The following MINK1 variants were observed in gnomAD, a reference collection of about 807,000 sequenced individuals.
MINK1 encodes the protein misshapen like kinase 1.
In MINK1, 46 loss-of-function variants were observed where a neutral mutation model predicts 178.4. That is an observed-to-expected ratio of 0.26 (90% CI 0.20 to 0.33). MINK1 has a LOEUF of 0.33. Ranked by LOEUF, MINK1 falls within the 10% of genes least tolerant of loss-of-function variation. MINK1 has a pLI of 1.00. For missense variants in MINK1, 1,366 were observed against 1,814.9 expected (o/e 0.75, Z 4.49); for synonymous variants, 797 against 709.7 (o/e 1.12, Z -1.96).
At position 4,833,791 on chromosome 17, in the gene MINK1, G is replaced by A; in HGVS notation, c.57+151G>A. The A allele has an allele frequency of 1.7e-6, 1 of 584,532 alleles. No individual in the cohort carries two copies. Among genetic ancestry groups the A allele is most frequent in the Non-Finnish European group, 2.8e-6 (1 of 355,286 alleles). 36.2% of individuals were successfully genotyped at this position (584,532 alleles called of 1,614,324 possible). ...CGTGCCCCTTTCCCGGACTCCCGCC[G>A]CGGCTGGGCCCCCGCCCTCTGCTCC... is the stretch of plus-strand genomic sequence containing the variant. On this transcript the variant is annotated intron_variant, in intron 1 of 31. Coordinates refer to ENST00000355280, the MANE Select transcript of MINK1 (RefSeq NM_153827.5). The surrounding 1 kb of genome is among the most constrained non-coding windows in gnomAD (Gnocchi z 4.8).
intron 1 of MINK1, among the ~76,000 whole-genome samples, chr17:4,859,915 A>T (rs1000888889): frequency 6.6e-6 from 1 of 151,680 alleles, no homozygotes; most frequent in Non-Finnish European, 1.5e-5. Context: ...CAAAACCAAC[A>T]CCGTAGGAAC....
rs1026481552 is a variant in MINK1, at chr17:4,885,694, G to T, written c.639+81G>T. 6.4e-7 allele frequency: 1 copy of T among 1,571,166 alleles called. No individual in the cohort carries two copies. The highest frequency in any genetic ancestry group is 8.7e-7 in the Non-Finnish European group (1 of 1,151,268). On this transcript the variant is annotated intron_variant, in intron 7 of 31. Transcript: ENST00000355280. The surrounding 1 kb of genome is among the most constrained non-coding windows in gnomAD (Gnocchi z 5.0). ...GGACCACGGGGCCTGAGCAGGCTGG[G>T]GAACAGAGGAAGGTCAGATGATGTT...
Position 4,896,636 on chromosome 17 carries a change from G to A in MINK1, c.3776-38G>A. 1 of 1,610,316 alleles carries A rather than the reference G, an allele frequency of 6.2e-7. No homozygotes were observed. The highest frequency in any genetic ancestry group is 8.5e-7 in the Non-Finnish European group (1 of 1,177,590). On this transcript the variant is annotated intron_variant, in intron 30 of 31. Transcript: ENST00000355280. This position sits in a 1 kb window ranked among gnomAD's most constrained non-coding sequence, Gnocchi z 4.6. ...AGCCACATGCCCCGAGGTGGCCCCG[G>A]GGTGCAGCCTGCTCAGCCCCTCACC...
rs1597565207 is a variant in MINK1 at position 4,891,662 on chromosome 17, C to A, written c.1947C>A (p.Gly649=). 1.2e-6 allele frequency: 2 copies of A among 1,600,106 alleles called. No individual in the cohort carries two copies. The highest frequency in any genetic ancestry group is 1.7e-5 in the Admixed American group (1 of 57,500). Residue 649 remains glycine, a synonymous_variant, in exon 16 of 32, where the codon GGC becomes GGA. Transcript: ENST00000355280. ...CAGACCCCACCTCTGAAGGACCTGG[C>A]CCCAGCCCGAATCCCCCAGCCTGGG... ...QNSDPTSEGP[G]PSPNPPAWVR... is the part of the protein sequence containing the mutation.
chr17:4,896,957 C>T lies in MINK1; in HGVS notation c.3915+144C>T, dbSNP rs1351777644. 8.7e-7 allele frequency: 1 copy of T among 1,151,684 alleles called. No homozygotes were observed. The highest frequency in any genetic ancestry group is 1.2e-6 in the Non-Finnish European group (1 of 831,090). 71.3% of individuals were successfully genotyped at this position (1,151,684 alleles called of 1,614,324 possible). Reference sequence around the variant, plus strand: ...GAGCTCAGAGGGCAGTCAGCCACTACCACTGCCCTGCGCTCCCTTCAGATT... The same window carrying T: ...GAGCTCAGAGGGCAGTCAGCCACTATCACTGCCCTGCGCTCCCTTCAGATT... On this transcript the variant is annotated intron_variant, in intron 31 of 31. Coordinates refer to ENST00000355280, the MANE Select transcript of MINK1 (RefSeq NM_153827.5). This position sits in a 1 kb window ranked among gnomAD's most constrained non-coding sequence, Gnocchi z 4.6.
chr17:4,865,168 C>T (rs564075928), intron 1 of MINK1, among the ~76,000 whole-genome samples: 10 of 152,272 alleles, frequency 6.6e-5, no homozygotes, highest in South Asian at 2.1e-4. Flanking sequence ...CGGTGGCTCA[C>T]GCCTGTAATC....
chr17:4,887,187 T>G lies in MINK1; in HGVS notation c.1019+8T>G. 1 of 1,596,740 alleles carries G rather than the reference T, an allele frequency of 6.3e-7. No individual in the cohort carries two copies. Among genetic ancestry groups the G allele is most frequent in the Non-Finnish European group, 8.5e-7 (1 of 1,172,246 alleles). ...AGAGGAAGGAGAGCCAAGGTAGGCC[T>G]GGCAGGTGGAGTGGGGGTTGGGGCG... On this transcript the variant is annotated splice_region_variant and intron_variant, in intron 11 of 31. Coordinates refer to ENST00000355280, the MANE Select transcript of MINK1 (RefSeq NM_153827.5). This position sits in a 1 kb window ranked among gnomAD's most constrained non-coding sequence, Gnocchi z 7.6.
intron 1 of MINK1, among the ~76,000 whole-genome samples, chr17:4,875,771 C>CA (rs1166186853): frequency 1.1e-4 from 17 of 150,110 alleles, no homozygotes; most frequent in Admixed American, 1.1e-3. Flanking sequence ...AATTCCATTT[C>CA]AAAAAAAATG....
intron 4 of MINK1, among the ~76,000 whole-genome samples, chr17:4,882,281 C>T (rs1372523547): frequency 3.3e-5 from 5 of 152,248 alleles, no homozygotes; most frequent in Non-Finnish European, 7.3e-5. Context: ...TATGTGTCCA[C>T]CCAACCTTTT....
intron 15 of MINK1, 72 bp downstream of exon 15, chr17:4,891,196 G>GTA: frequency 1.2e-6 from 1 of 850,044 alleles, no homozygotes; most frequent in Non-Finnish European, 1.7e-6. Flanking sequence ...ACACACACAC[G>GTA]CGCGCACACA....
intron 21 of MINK1, 146 bp downstream of exon 21, chr17:4,893,743 C>A (rs1407421972): frequency 1.7e-6 from 2 of 1,205,740 alleles, no homozygotes; most frequent in Non-Finnish European, 2.2e-6. Context: ...AGGTTCCTGT[C>A]TCTCTCCCGC....
intron 16 of MINK1, 42 bp downstream of exon 16, chr17:4,891,758 G>A: frequency 6.4e-7 from 1 of 1,558,932 alleles, no homozygotes. Flanking sequence ...CAGAGAGCTA[G>A]TCATGAAGAG....
intron 1 of MINK1, among the ~76,000 whole-genome samples, chr17:4,849,751 T>G (rs1191306829): frequency 6.6e-6 from 1 of 152,098 alleles, no homozygotes; most frequent in African/African-American, 2.4e-5. Flanking sequence ...TTTTGTATGT[T>G]TAGTAGAGGT....
chr17:4,859,271 T>G, intron 1 of MINK1: 1 of 985,430 alleles, frequency 1.0e-6, no homozygotes, highest in Non-Finnish European at 1.2e-6. Flanking sequence ...CCTGGAATGC[T>G]TAATGGACCT....
At chr17:4,837,041 G>A (rs918595847) in intron 1 of MINK1, among the ~76,000 whole-genome samples, 2 of 152,070 alleles carry the variant, frequency 1.3e-5, no homozygotes. Flanking sequence ...AAAAAAATTA[G>A]CCAGGCATGG....
intron 1 of MINK1, among the ~76,000 whole-genome samples, chr17:4,843,251 C>T (rs1263831621): frequency 6.6e-6 from 1 of 151,938 alleles, no homozygotes; most frequent in Non-Finnish European, 1.5e-5. Flanking sequence ...CTGAGGCAGG[C>T]AGATTACTTG....
intron 1 of MINK1, among the ~76,000 whole-genome samples, chr17:4,869,208 G>A (rs2150935293): frequency 6.6e-6 from 1 of 151,456 alleles, no homozygotes; most frequent in Admixed American, 6.6e-5. Flanking sequence ...ACAGATGTGA[G>A]CCACCGCTCC....
chr17:4,886,595 T>G lies in MINK1; in HGVS notation c.918T>G (p.Ile306Met), dbSNP rs748176975. The G allele has an allele frequency of 1.2e-5, 20 of 1,606,458 alleles. No homozygotes were observed. The highest frequency in any genetic ancestry group is 1.5e-5 in the Non-Finnish European group (18 of 1,176,174). ...TCCGCATCCAGCTTAAGGACCACAT[T>G]GACCGATCCCGGAAGAAGCGGGGTG... ...RQVRIQLKDHIDRSRKKRGEK... is the reference protein window; with the variant it reads ...RQVRIQLKDHMDRSRKKRGEK... The change falls in exon 10 of 32, where the codon ATT becomes ATG. Residue 306 changes from isoleucine (I) to methionine (M), a missense_variant. By Grantham distance (10) the Ile-to-Met change is conservative. This residue lies in a region of MINK1 where 23 missense variants were observed against 30.2 expected (regional missense o/e 0.76). Transcript: ENST00000355280. This position sits in a 1 kb window ranked among gnomAD's most constrained non-coding sequence, Gnocchi z 6.1.
In MINK1 at chr17:4,845,155, T is replaced by G. The variant is rs564052098; in HGVS notation, c.57+11515T>G. 7.2e-5 allele frequency among the ~76,000 whole-genome samples: 11 copies of G among 152,278 alleles called. No homozygotes were observed. In the South Asian group the frequency reaches 1.2e-3, roughly 17 times the overall value. On this transcript the variant is annotated intron_variant, in intron 1 of 31. Transcript: ENST00000355280. ...CCTAGGTGCATGTCTCAGAAGTCCATGTATCATCAGCCAACCCAGAACACA... is the reference window on the plus strand; with the variant it reads ...CCTAGGTGCATGTCTCAGAAGTCCAGGTATCATCAGCCAACCCAGAACACA...
Sources: allele counts gnomAD v4.1 joint callset (sites outside exome capture counted in the v4.1 genomes callset), GRCh38; gene constraint gnomAD v4.1.1; regional missense constraint gnomAD v4.1.1; non-coding constraint Gnocchi (gnomAD v3.1); transcripts MANE v1.5; gene names NCBI Gene and HGNC (gene_info 2026-07-23, HGNC 2026-07-21).